SLCO1B1: variants seen among roughly 807,000 people sequenced by gnomAD.
The protein encoded by SLCO1B1 is OATP-2.
In SLCO1B1, 81 loss-of-function variants were observed where a neutral mutation model predicts 70.1. The ratio of observed to expected loss-of-function variants is 1.16; its 90% CI spans 0.97 to 1.39. The LOEUF (loss-of-function observed/expected upper bound fraction) is 1.39, where lower values mean the gene tolerates loss of function less well. Among genes scored for constraint, SLCO1B1 ranks in the 40% most tolerant of loss-of-function variants. The probability of loss-of-function intolerance (pLI) is 0.00; values close to 1 mark genes in which losing one functional copy is unlikely to be tolerated. For missense variants in SLCO1B1, 895 were observed against 799.6 expected (o/e 1.12, Z -1.44); for synonymous variants, 283 against 271.5 (o/e 1.04, Z -0.42).
chr12:21,152,642 T>C (rs181969585), intron 2 of SLCO1B1, among the ~76,000 whole-genome samples: 19 of 151,020 alleles, frequency 1.3e-4, no homozygotes, highest in African/African-American at 4.4e-4. Flanking sequence ...TGGATTTTGG[T>C]ATTTTCCTTC....
intron 1 of SLCO1B1, among the ~76,000 whole-genome samples, chr12:21,138,149 G>C (rs1322441868): frequency 3.3e-5 from 5 of 152,196 alleles, no homozygotes. Context: ...AGCAAATGCT[G>C]TTTTTCCTTT....
chr12:21,195,069 C>A (rs1941075545), intron 7 of SLCO1B1, among the ~76,000 whole-genome samples: 1 of 152,194 alleles, frequency 6.6e-6, no homozygotes, highest in South Asian at 2.1e-4. Context: ...CCACCAGGCC[C>A]TACCTCCAAC....
At chr12:21,232,573 C>T (rs1446021546) in intron 14 of SLCO1B1, among the ~76,000 whole-genome samples, 3 of 152,118 alleles carry the variant, frequency 2.0e-5, no homozygotes, top group East Asian at 1.9e-4. Context: ...CTATGACACC[C>T]CTCTCCATTA....
chr12:21,225,466 T>C (rs1941473032), intron 14 of SLCO1B1, among the ~76,000 whole-genome samples: 1 of 152,188 alleles, frequency 6.6e-6, no homozygotes, highest in Non-Finnish European at 1.5e-5. Flanking sequence ...TGACAAATTA[T>C]ACACTTTGAA....
At position 21,200,561 on chromosome 12, in the gene SLCO1B1, G is replaced by A; in HGVS notation, c.1024G>A (p.Val342Met). Residue 342 changes from valine (V) to methionine (M), a missense_variant, in exon 9 of 15, where the codon GTG becomes ATG. Transcript: ENST00000256958. ...ILTNPLYVMF[V>M]LLTLLQVSSY... ...TACTAATCCCCTGTATGTTATGTTTGTGCTTTTGACGTTGTTACAAGTAAG... is the reference window on the plus strand; with the variant it reads ...TACTAATCCCCTGTATGTTATGTTTATGCTTTTGACGTTGTTACAAGTAAG... 1 of 1,605,894 alleles carries A rather than the reference G, an allele frequency of 6.2e-7. No homozygotes were observed. Among genetic ancestry groups the A allele is most frequent in the East Asian group, 2.2e-5 (1 of 44,546 alleles).
intron 1 of SLCO1B1, among the ~76,000 whole-genome samples, chr12:21,134,929 G>T: frequency 6.6e-6 from 1 of 152,080 alleles, no homozygotes; most frequent in Non-Finnish European, 1.5e-5. Flanking sequence ...TGATGTTGGG[G>T]TGTCAATTTT....
In SLCO1B1 at chr12:21,141,774, A is replaced by G. The variant is rs542512234; in HGVS notation, c.84+116A>G. Reference sequence around the variant, plus strand: ...TCAAATTATAATTTTCAATTGAAGCATATATTGAAATATTAACATAATGAT... The same window carrying G: ...TCAAATTATAATTTTCAATTGAAGCGTATATTGAAATATTAACATAATGAT... On this transcript the variant is annotated intron_variant, in intron 2 of 14. Coordinates refer to ENST00000256958, the MANE Select transcript of SLCO1B1 (RefSeq NM_006446.5). 6.6e-5 allele frequency: 40 copies of G among 605,604 alleles called. No individual in the cohort carries two copies. In the Admixed American group the frequency reaches 7.2e-4, roughly 11 times the overall value. The allele number at this position is 605,604 out of a possible 1,614,324, so 37.5% of individuals were successfully genotyped here.
chr12:21,185,190 A>G (rs973542222), intron 7 of SLCO1B1, among the ~76,000 whole-genome samples: 2 of 148,362 alleles, frequency 1.3e-5, no homozygotes, highest in African/African-American at 4.8e-5. Flanking sequence ...ACTCACTGAC[A>G]GTGTTAGATA....
At chr12:21,206,755 T>G (rs1294548020) in intron 11 of SLCO1B1, among the ~76,000 whole-genome samples, 2 of 151,930 alleles carry the variant, frequency 1.3e-5, no homozygotes. Flanking sequence ...TTATGGTGTT[T>G]CCCATACCTA....
rs4149087 is a variant in SLCO1B1 at position 21,239,628 on chromosome 12, T to G, written c.*439T>G. On this transcript the variant is annotated 3_prime_UTR_variant, in exon 15 of 15. Coordinates refer to ENST00000256958, the MANE Select transcript of SLCO1B1 (RefSeq NM_006446.5). The stretch of plus-strand genomic sequence containing the variant: ...AAACACAGAGTTTGAACTATAATAC[T>G]AAGGCCTGAAGTCTAGCTTGGATAT... Among the ~76,000 whole-genome samples the G allele has an allele frequency of 0.39, 59,946 of 152,000 alleles. 12,568 individuals are homozygous for G. Among genetic ancestry groups the G allele is most frequent in the East Asian group, 0.74 (3,801 of 5,168 alleles).
In SLCO1B1 at chr12:21,149,848, CA is replaced by C. The variant is rs545806562; in HGVS notation, c.84+8191del. ...AGTGGTGCCTGGGACACCAGCAAGA[CA>C]GAACCCTTCACTCCCCTGGAAAAGG... On this transcript the variant is annotated intron_variant, in intron 2 of 14. Coordinates refer to ENST00000256958, the MANE Select transcript of SLCO1B1 (RefSeq NM_006446.5). Among the ~76,000 whole-genome samples the C allele has an allele frequency of 3.5e-4, 53 of 152,196 alleles. No individual in the cohort carries two copies. In the South Asian group the frequency reaches 4.2e-3, roughly 12 times the overall value.
intron 5 of SLCO1B1, among the ~76,000 whole-genome samples, chr12:21,177,444 A>G (rs554703059): frequency 6.6e-6 from 1 of 152,186 alleles, no homozygotes; most frequent in Non-Finnish European, 1.5e-5. Context: ...CTTTTTGCCT[A>G]TTATAACACA....
At chr12:21,210,557 G>A (rs1243990073) in intron 11 of SLCO1B1, among the ~76,000 whole-genome samples, 2 of 141,964 alleles carry the variant, frequency 1.4e-5, no homozygotes, top group African/African-American at 5.3e-5. Context: ...CTCTTTTTTG[G>A]TTCCATATGA....
chr12:21,179,139 A>T, intron 7 of SLCO1B1, 119 bp downstream of exon 7: 1 of 693,700 alleles, frequency 1.4e-6, no homozygotes, highest in Non-Finnish European at 2.6e-6. Context: ...ATAATTAGAA[A>T]GTTACAAGTA....
intron 14 of SLCO1B1, among the ~76,000 whole-genome samples, chr12:21,230,934 T>C (rs1433254381): frequency 6.6e-6 from 1 of 151,708 alleles, no homozygotes; most frequent in Admixed American, 6.6e-5. Context: ...TAACTACTCA[T>C]TTACATTAGG....
At chr12:21,134,645 T>C (rs1940191508) in intron 1 of SLCO1B1, among the ~76,000 whole-genome samples, 1 of 152,216 alleles carries the variant, frequency 6.6e-6, no homozygotes, top group African/African-American at 2.4e-5. Context: ...TATTCTCTGA[T>C]GGTAGTTTGT....
chr12:21,188,634 C>T (rs11522782), intron 7 of SLCO1B1, among the ~76,000 whole-genome samples: 18,544 of 151,978 alleles, frequency 0.12, 1,506 homozygotes, highest in Non-Finnish European at 0.18. Context: ...CCCCTTGATG[C>T]TGATCTCATG....
At chr12:21,143,132 A>G (rs193134527) in intron 2 of SLCO1B1, among the ~76,000 whole-genome samples, 63 of 152,210 alleles carry the variant, frequency 4.1e-4, no homozygotes, top group Non-Finnish European at 6.5e-4. Flanking sequence ...ATAATTCTGT[A>G]AAGACTTGCG....
At position 21,224,519 on chromosome 12, in the gene SLCO1B1, A is replaced by T. The variant is rs79855991; in HGVS notation, c.1748-203A>T. On this transcript the variant is annotated intron_variant, in intron 13 of 14. Transcript: ENST00000256958. ...ATGTAGGGAGGGTACGAGTAGGTAA[A>T]AGGTGTCAATGACATTACTACATGA... Among the ~76,000 whole-genome samples, 457 of 152,296 alleles carry T rather than the reference A, an allele frequency of 3.0e-3. 1 individual carries two copies. The highest frequency in any genetic ancestry group is 0.01 in the African/African-American group (418 of 41,566).
Sources: allele counts gnomAD v4.1 joint callset (sites outside exome capture counted in the v4.1 genomes callset), GRCh38; gene constraint gnomAD v4.1.1; transcripts MANE v1.5; gene names NCBI Gene and HGNC (gene_info 2026-07-23, HGNC 2026-07-21).